The following KCNJ16 variants were observed in gnomAD, a reference collection of about 807,000 sequenced individuals.
KCNJ16 encodes the protein inward rectifier potassium channel 16.
In KCNJ16, 15 loss-of-function variants were observed where a neutral mutation model predicts 18.5. That is an observed-to-expected ratio of 0.81 (90% CI 0.54 to 1.25). KCNJ16 has a LOEUF of 1.25. Among genes scored for constraint, KCNJ16 ranks in the 50% most tolerant of loss-of-function variants. The pLI is 0.00. For synonymous variants in KCNJ16, 174 were observed against 186.5 expected, an observed-to-expected ratio of 0.93 and a Z score of 0.55; for missense variants, 523 against 525.7, an observed-to-expected ratio of 0.99 and a Z score of 0.05.
chr17:70,121,807 C>T (rs2144145895), intron 2 of KCNJ16, among the ~76,000 whole-genome samples: 2 of 151,944 alleles, frequency 1.3e-5, no homozygotes, highest in East Asian at 3.9e-4. Flanking sequence ...AAAAAAAATA[C>T]AAAAAATTAG....
At chr17:70,098,436 TGA>T (rs1406847343) in intron 1 of KCNJ16, among the ~76,000 whole-genome samples, 1 of 152,176 alleles carries the variant, frequency 6.6e-6, no homozygotes, top group Non-Finnish European at 1.5e-5. Flanking sequence ...ACTTAAATGC[TGA>T]GTTATAGGAA....
At chr17:70,129,420 T>A (rs1555597943) in intron 2 of KCNJ16, among the ~76,000 whole-genome samples, 1 of 152,232 alleles carries the variant, frequency 6.6e-6, no homozygotes, top group Non-Finnish European at 1.5e-5. Flanking sequence ...ATATTTCATC[T>A]AGTTAGTGTG....
chr17:70,132,936 C>T lies in KCNJ16; in HGVS notation c.849C>T (p.Ile283=). Residue 283 remains isoleucine (I), a synonymous_variant, in exon 4 of 4, where the codon ATC becomes ATT. Coordinates refer to ENST00000392671, the MANE Select transcript of KCNJ16 (RefSeq NM_170741.4). The part of the protein sequence containing the change: ...KDNFEILVTF[I]YTGDSTGTSH... ...ACTTTGAGATTTTGGTGACATTTATCTATACTGGTGATTCCACTGGAACAT... is the reference window on the plus strand; with the variant it reads ...ACTTTGAGATTTTGGTGACATTTATTTATACTGGTGATTCCACTGGAACAT... 1 of 1,614,186 alleles carries T rather than the reference C, an allele frequency of 6.2e-7. No homozygotes were observed. The highest frequency in any genetic ancestry group is 8.5e-7 in the Non-Finnish European group (1 of 1,180,020).
At chr17:70,122,595 G>C (rs1348553643) in intron 2 of KCNJ16, among the ~76,000 whole-genome samples, 2 of 152,198 alleles carry the variant, frequency 1.3e-5, no homozygotes, top group Non-Finnish European at 2.9e-5. Flanking sequence ...TTATTGGAAA[G>C]ATAACAGTTT....
At chr17:70,083,774 CAT>C in intron 1 of KCNJ16, among the ~76,000 whole-genome samples, 1 of 152,260 alleles carries the variant, frequency 6.6e-6, no homozygotes, top group Middle Eastern at 3.4e-3. Flanking sequence ...CAGTTGGTCA[CAT>C]ATTCTATGTG....
At position 70,130,988 on chromosome 17, in the gene KCNJ16, T is replaced by C. The variant is rs2074034942; in HGVS notation, c.-94+13T>C. 6.5e-7 allele frequency: 1 copy of C among 1,534,982 alleles called. No individual in the cohort carries two copies. Among genetic ancestry groups the C allele is most frequent in the Non-Finnish European group, 8.7e-7 (1 of 1,146,026 alleles). On this transcript the variant is annotated intron_variant, in intron 3 of 3. Coordinates refer to ENST00000392671, the MANE Select transcript of KCNJ16 (RefSeq NM_170741.4). The stretch of plus-strand genomic sequence containing the variant: ...GATGCTAAAAATGGTAAGAGCTGCA[T>C]GTTCTGCCTTGATGTTTTCAAGACT...
intron 1 of KCNJ16, among the ~76,000 whole-genome samples, chr17:70,087,223 G>A (rs1390687942): frequency 6.6e-6 from 1 of 152,070 alleles, no homozygotes; most frequent in Non-Finnish European, 1.5e-5. Context: ...AGTAGTGAGA[G>A]GAAGTGGTAG....
At chr17:70,087,063 TA>T (rs1255045829) in intron 1 of KCNJ16, among the ~76,000 whole-genome samples, 1 of 51,944 alleles carries the variant, frequency 1.9e-5, no homozygotes, top group African/African-American at 8.1e-5. Flanking sequence ...CACACCTAGC[TA>T]CTTTTTTTTT....
rs998313267 is a variant in KCNJ16, at chr17:70,132,023, T to C, written c.-65T>C. The C allele has an allele frequency of 2.2e-5, 35 of 1,601,634 alleles. No homozygotes were observed. Among genetic ancestry groups the C allele is most frequent in the Non-Finnish European group, 2.8e-5 (33 of 1,174,092 alleles). Reference sequence around the variant, plus strand: ...CTAACTGAAAACCCAAACCAAGAAATAGCAACAAGTCTAGAATTCTTACTA... The same window carrying C: ...CTAACTGAAAACCCAAACCAAGAAACAGCAACAAGTCTAGAATTCTTACTA... On this transcript the variant is annotated 5_prime_UTR_variant, in exon 4 of 4. Coordinates refer to ENST00000392671, the MANE Select transcript of KCNJ16 (RefSeq NM_170741.4).
chr17:70,101,408 A>G (rs1277164050), intron 2 of KCNJ16: 2 of 152,230 alleles, frequency 1.3e-5, no homozygotes, highest in African/African-American at 4.8e-5. Context: ...AACTATATGT[A>G]TATAAAAATT....
chr17:70,079,569 T>C (rs890983958), intron 1 of KCNJ16, among the ~76,000 whole-genome samples: 2 of 152,218 alleles, frequency 1.3e-5, no homozygotes, highest in African/African-American at 4.8e-5. Context: ...CAAGCTTCCA[T>C]TTCTCTAAAA....
intron 1 of KCNJ16, among the ~76,000 whole-genome samples, chr17:70,079,663 T>A (rs142916172): frequency 6.6e-6 from 1 of 152,182 alleles, no homozygotes; most frequent in African/African-American, 2.4e-5. Flanking sequence ...CATTTGCATA[T>A]AGAAGCATCC....
intron 2 of KCNJ16, among the ~76,000 whole-genome samples, chr17:70,118,912 C>G (rs997646563): frequency 6.6e-6 from 1 of 152,170 alleles, no homozygotes; most frequent in African/African-American, 2.4e-5. Flanking sequence ...CTAGCATTAA[C>G]TCAAAAGTCT....
intron 2 of KCNJ16, among the ~76,000 whole-genome samples, chr17:70,129,848 AC>A (rs2073994469): frequency 1.3e-5 from 2 of 152,174 alleles, no homozygotes; most frequent in Non-Finnish European, 2.9e-5. Context: ...AGTTGCTGGT[AC>A]CCCTGGAATT....
At chr17:70,118,309 G>A (rs1441110295) in intron 2 of KCNJ16, among the ~76,000 whole-genome samples, 2 of 152,052 alleles carry the variant, frequency 1.3e-5, no homozygotes, top group Non-Finnish European at 2.9e-5. Flanking sequence ...ACCTAATGTA[G>A]ATTACGGGTT....
intron 2 of KCNJ16, among the ~76,000 whole-genome samples, chr17:70,122,741 A>T (rs922259901): frequency 6.6e-6 from 1 of 152,156 alleles, no homozygotes; most frequent in Non-Finnish European, 1.5e-5. Context: ...ACCTAGATGT[A>T]CACCACCTCA....
intron 2 of KCNJ16, among the ~76,000 whole-genome samples, chr17:70,107,681 A>AT (rs35929091): frequency 1.3e-3 from 191 of 150,802 alleles, no homozygotes; most frequent in Non-Finnish European, 1.8e-3. Context: ...ATGGCTCACA[A>AT]TTTTTTTAAA....
chr17:70,083,735 T>A (rs1206309734), intron 1 of KCNJ16, among the ~76,000 whole-genome samples: 1 of 152,118 alleles, frequency 6.6e-6, no homozygotes, highest in Non-Finnish European at 1.5e-5. Flanking sequence ...CACATGACTG[T>A]ATATATATCA....
chr17:70,109,965 A>G (rs2073112213), intron 2 of KCNJ16, among the ~76,000 whole-genome samples: 1 of 152,114 alleles, frequency 6.6e-6, no homozygotes, highest in Non-Finnish European at 1.5e-5. Context: ...CTGCACCTAC[A>G]ATGTCAGGAG....
Sources: allele counts gnomAD v4.1 joint callset (sites outside exome capture counted in the v4.1 genomes callset), GRCh38; gene constraint gnomAD v4.1.1; transcripts MANE v1.5; gene names NCBI Gene and HGNC (gene_info 2026-07-23, HGNC 2026-07-21).